Variants in MPP7 observed in about 807,000 individuals in gnomAD.
The protein encoded by MPP7 is MAGUK p55 scaffold protein 7.
Under a neutral mutation model 76.5 loss-of-function variants are expected in MPP7, and 60 were observed. The observed-to-expected ratio is 0.78, with a 90% CI of 0.64 to 0.97. The LOEUF (loss-of-function observed/expected upper bound fraction) is 0.97, where lower values mean the gene tolerates loss of function less well. Among genes scored for constraint, MPP7 ranks in the 50% least tolerant of loss-of-function variants. The pLI, the probability that MPP7 is intolerant of heterozygous loss-of-function variation, is 0.00. For synonymous variants in MPP7, 237 were observed against 244.5 expected (o/e 0.97, Z 0.29); for missense variants, 641 against 694.0 (o/e 0.92, Z 0.86).
intron 1 of MPP7, among the ~76,000 whole-genome samples, chr10:28,297,866 C>T (rs564138137): frequency 1.3e-4 from 20 of 152,314 alleles, no homozygotes; most frequent in African/African-American, 4.6e-4. Flanking sequence ...TATTGTAAAT[C>T]GTTCATTGTC....
rs138633498 is a variant in MPP7 at position 28,224,034 on chromosome 10, A to G, written c.37+14534T>C. Among the ~76,000 whole-genome samples the G allele has an allele frequency of 9.0e-4, 136 of 151,802 alleles. 1 individual carries two copies. The East Asian group carries it at 0.025, about 28-fold the overall frequency. On this transcript the variant is annotated intron_variant, in intron 2 of 16. Transcript: ENST00000683449. ...AACATGGTGAAACCCCATCTCTACT[A>G]AAAATACAAAAATTAGCGTACACGC...
In MPP7 at chr10:28,125,171, T is replaced by C. The variant is rs567803878; in HGVS notation, c.448-80A>G. 2.9e-5 allele frequency: 35 copies of C among 1,217,848 alleles called. No individual in the cohort carries two copies. The African/African-American group carries it at 3.5e-4, about 12-fold the overall frequency. The allele number at this position is 1,217,848 out of a possible 1,614,324, so 75.4% of individuals were successfully genotyped here. On this transcript the variant is annotated intron_variant, in intron 6 of 16. Coordinates refer to ENST00000683449, the MANE Select transcript of MPP7 (RefSeq NM_001318170.2). ...GAAAAGGAGGAAATAAGGACATTCA[T>C]CTGAAAAAAGAGAAAACAACTACAA...
intron 2 of MPP7, among the ~76,000 whole-genome samples, chr10:28,313,092 C>G (rs1385528312): frequency 6.6e-6 from 1 of 152,206 alleles, no homozygotes; most frequent in Non-Finnish European, 1.5e-5. Context: ...TCTTAACTCA[C>G]AGCTTTCTCC....
At chr10:28,318,108 C>G (rs1382723792) in intron 2 of MPP7, among the ~76,000 whole-genome samples, 2 of 152,196 alleles carry the variant, frequency 1.3e-5, no homozygotes, top group Non-Finnish European at 2.9e-5. Flanking sequence ...ATATATACTT[C>G]TCCCAAAAGA....
At chr10:28,158,044 T>C (rs969556316) in intron 3 of MPP7, among the ~76,000 whole-genome samples, 12 of 152,192 alleles carry the variant, frequency 7.9e-5, no homozygotes, top group African/African-American at 2.9e-4. Context: ...AAATAGATGT[T>C]AAAACGTTAT....
At chr10:28,054,678 T>A (rs1230757990) in intron 16 of MPP7, among the ~76,000 whole-genome samples, 1 of 152,080 alleles carries the variant, frequency 6.6e-6, no homozygotes, top group Non-Finnish European at 1.5e-5. Flanking sequence ...ATTACCATGT[T>A]TTTTGTTTTT....
chr10:28,311,028 G>A (rs1330351492), intron 2 of MPP7, among the ~76,000 whole-genome samples: 1 of 151,942 alleles, frequency 6.6e-6, no homozygotes, highest in Non-Finnish European at 1.5e-5. Flanking sequence ...ATTCACTATG[G>A]GATCCCCAGT....
chr10:28,173,818 A>G (rs2133877889), intron 3 of MPP7, among the ~76,000 whole-genome samples: 1 of 152,316 alleles, frequency 6.6e-6, no homozygotes, highest in Non-Finnish European at 1.5e-5. Flanking sequence ...ACCTAACTAA[A>G]TAGAAAGAGT....
intron 2 of MPP7, among the ~76,000 whole-genome samples, chr10:28,208,682 C>T (rs575342204): frequency 4.6e-5 from 7 of 152,326 alleles, no homozygotes; most frequent in South Asian, 2.1e-4. Context: ...CAAAACTTAA[C>T]GTCAGGCCAG....
chr10:28,069,180 C>A (rs1162194916), intron 13 of MPP7, among the ~76,000 whole-genome samples: 2 of 152,140 alleles, frequency 1.3e-5, no homozygotes, highest in Non-Finnish European at 2.9e-5. Flanking sequence ...TCACTATAGT[C>A]AATAACAACT....
intron 1 of MPP7, among the ~76,000 whole-genome samples, chr10:28,241,531 T>C (rs756304001): frequency 4.6e-5 from 7 of 152,204 alleles, no homozygotes; most frequent in Non-Finnish European, 1.0e-4. Flanking sequence ...ATGATGTTAT[T>C]TTCTTTGGCA....
chr10:28,060,297 T>G (rs534853531), intron 13 of MPP7, among the ~76,000 whole-genome samples: 1 of 152,338 alleles, frequency 6.6e-6, no homozygotes, highest in South Asian at 2.1e-4. Flanking sequence ...ACTATTGAAC[T>G]TCTAACCTTT....
intron 3 of MPP7, among the ~76,000 whole-genome samples, chr10:28,169,300 G>C (rs944860542): frequency 2.0e-5 from 3 of 146,398 alleles, no homozygotes; most frequent in Non-Finnish European, 3.0e-5. Flanking sequence ...GGACCAGCCT[G>C]AGCAACACAA....
chr10:28,255,365 C>T (rs1218651177), intron 1 of MPP7, among the ~76,000 whole-genome samples: 1 of 151,830 alleles, frequency 6.6e-6, no homozygotes, highest in Non-Finnish European at 1.5e-5. Flanking sequence ...CCACCCTCAG[C>T]CTACCCAAAG....
intron 1 of MPP7, among the ~76,000 whole-genome samples, chr10:28,260,918 G>A (rs1311750585): frequency 6.6e-6 from 1 of 151,972 alleles, no homozygotes; most frequent in East Asian, 1.9e-4. Flanking sequence ...TGATGTTAGA[G>A]AAAGAATTCA....
At chr10:28,078,345 G>A (rs1852595957) in intron 12 of MPP7, among the ~76,000 whole-genome samples, 1 of 152,206 alleles carries the variant, frequency 6.6e-6, no homozygotes, top group Admixed American at 6.5e-5. Flanking sequence ...CAGAATCTCT[G>A]AGAAGTCTAA....
intron 1 of MPP7, among the ~76,000 whole-genome samples, chr10:28,266,481 G>T (rs1031455511): frequency 6.6e-6 from 1 of 152,066 alleles, no homozygotes; most frequent in African/African-American, 2.4e-5. Flanking sequence ...GAGGCAGAAG[G>T]ATCTCTTGAA....
chr10:28,186,588 T>A (rs1837245192), intron 3 of MPP7, among the ~76,000 whole-genome samples: 1 of 152,212 alleles, frequency 6.6e-6, no homozygotes, highest in Non-Finnish European at 1.5e-5. Flanking sequence ...GGAAATGGAC[T>A]TTGAGAACCA....
chr10:28,067,015 G>T (rs537285084), intron 13 of MPP7, among the ~76,000 whole-genome samples: 2 of 152,134 alleles, frequency 1.3e-5, no homozygotes, highest in Admixed American at 6.5e-5. Context: ...AGCTCAGTAC[G>T]TGTCTTTTGG....
Sources: allele counts gnomAD v4.1 joint callset (sites outside exome capture counted in the v4.1 genomes callset), GRCh38; gene constraint gnomAD v4.1.1; transcripts MANE v1.5; gene names NCBI Gene and HGNC (gene_info 2026-07-23, HGNC 2026-07-21).